Variants in STAU2 observed in about 807,000 individuals in gnomAD.
STAU2 encodes the protein double-stranded RNA-binding protein Staufen homolog 2.
STAU2 carries 20 observed loss-of-function variants against 65.9 expected under a neutral mutation model. That is an observed-to-expected ratio of 0.30 (90% confidence interval 0.21 to 0.44). STAU2 has a LOEUF of 0.44. STAU2 is among the 20% of genes least tolerant of loss of function. The pLI is 1.00. For synonymous variants in STAU2, 232 were observed against 233.9 expected (o/e 0.99, Z 0.07); for missense variants, 558 against 683.9 (o/e 0.82, Z 2.05).
At chr8:73,692,146 CA>C (rs1819361918) in intron 4 of STAU2, among the ~76,000 whole-genome samples, 1 of 151,730 alleles carries the variant, frequency 6.6e-6, no homozygotes, top group Non-Finnish European at 1.5e-5. Flanking sequence ...CACACCCAGA[CA>C]GGGCTTGGAA....
At position 73,535,391 on chromosome 8, in the gene STAU2, G is replaced by A. The variant is rs543872362; in HGVS notation, c.1530+16621C>T. ...TCACCGTGATAGCCAGGATGGTCTC[G>A]ATCTCCTGACCTCGTGATCCGCCCA... On this transcript the variant is annotated intron_variant, in intron 13 of 14. Transcript: ENST00000524300. 2.6e-5 allele frequency among the ~76,000 whole-genome samples: 4 copies of A among 152,128 alleles called. No individual in the cohort carries two copies. In the East Asian group the frequency reaches 5.8e-4, roughly 22 times the overall value.
chr8:73,493,848 C>A (rs1384315295), intron 13 of STAU2, among the ~76,000 whole-genome samples: 4 of 151,702 alleles, frequency 2.6e-5, no homozygotes, highest in Non-Finnish European at 5.9e-5. Context: ...AGGTGTCTAT[C>A]AAAAGGAAAA....
chr8:73,628,283 G>C (rs1813837785), intron 6 of STAU2, among the ~76,000 whole-genome samples: 1 of 151,070 alleles, frequency 6.6e-6, no homozygotes, highest in Non-Finnish European at 1.5e-5. Flanking sequence ...TGTTGCCTAG[G>C]CTGGTCTTGA....
chr8:73,679,865 G>T (rs532115977), intron 5 of STAU2, among the ~76,000 whole-genome samples: 49 of 150,754 alleles, frequency 3.3e-4, no homozygotes, highest in Middle Eastern at 3.5e-3. Context: ...CTCCAACCTG[G>T]GTGACAGACT....
chr8:73,651,137 T>A (rs762231787), intron 6 of STAU2, among the ~76,000 whole-genome samples: 9 of 152,280 alleles, frequency 5.9e-5, no homozygotes, highest in South Asian at 4.1e-4. Context: ...GAGGTCTCCC[T>A]GGGGAGCCTC....
At chr8:73,648,481 A>C (rs1436237006) in intron 6 of STAU2, among the ~76,000 whole-genome samples, 1 of 152,170 alleles carries the variant, frequency 6.6e-6, no homozygotes, top group Non-Finnish European at 1.5e-5. Context: ...TACCTTGGAG[A>C]ACCACCACGT....
At chr8:73,722,438 G>A (rs1243302563) in intron 3 of STAU2, among the ~76,000 whole-genome samples, 1 of 152,140 alleles carries the variant, frequency 6.6e-6, no homozygotes, top group East Asian at 1.9e-4. Flanking sequence ...TTCTTCCAGA[G>A]GGGAAATGTT....
intron 13 of STAU2, among the ~76,000 whole-genome samples, chr8:73,517,989 GAA>G (rs1416884085): frequency 6.6e-6 from 1 of 152,014 alleles, no homozygotes; most frequent in East Asian, 1.9e-4. Context: ...TTATACATCT[GAA>G]ATGAAAAAAG....
At chr8:73,490,377 TG>T (rs1821101592) in intron 13 of STAU2, among the ~76,000 whole-genome samples, 1 of 152,012 alleles carries the variant, frequency 6.6e-6, no homozygotes, top group Non-Finnish European at 1.5e-5. Context: ...GGCTGTATAA[TG>T]GGTTGATCTG....
At chr8:73,504,966 T>C (rs989357684) in intron 13 of STAU2, among the ~76,000 whole-genome samples, 1 of 152,166 alleles carries the variant, frequency 6.6e-6, no homozygotes, top group Non-Finnish European at 1.5e-5. Context: ...CCCTTGACTT[T>C]GTAGTATCTC....
intron 12 of STAU2, among the ~76,000 whole-genome samples, chr8:73,557,250 G>T (rs559879458): frequency 1.3e-5 from 2 of 152,198 alleles, no homozygotes; most frequent in African/African-American, 4.8e-5. Context: ...AAGCCTAAGT[G>T]GACTTTTCTT....
chr8:73,454,595 C>A (rs1818964830), intron 13 of STAU2, among the ~76,000 whole-genome samples: 1 of 152,150 alleles, frequency 6.6e-6, no homozygotes, highest in South Asian at 2.1e-4. Context: ...CACTCTGTCC[C>A]AACAGGACAT....
intron 13 of STAU2, among the ~76,000 whole-genome samples, chr8:73,453,668 CAGA>C (rs1818917157): frequency 6.6e-6 from 1 of 151,610 alleles, no homozygotes; most frequent in Non-Finnish European, 1.5e-5. Context: ...TTTTAGAGCA[CAGA>C]AGGAGAAAAA....
Position 73,654,683 on chromosome 8 carries a change from C to CTTTTTT in STAU2, c.410+18418_410+18423dup, listed in dbSNP as rs764223379. Among the ~76,000 whole-genome samples, 10 of 62,950 alleles carry CTTTTTT rather than the reference C, an allele frequency of 1.6e-4. 1 individual carries two copies. In the South Asian group the frequency reaches 2.6e-3, roughly 17 times the overall value. 41.3% of individuals were successfully genotyped at this position (62,950 alleles called of 152,430 possible). On this transcript the variant is annotated intron_variant, in intron 6 of 14. Transcript: ENST00000524300. ...AAAAGAACTCTTTTAATTATCAAAC[C>CTTTTTT]TTTTTTTTTTTTTTTTTTTTTGAGA...
At chr8:73,609,750 C>T (rs913375757) in intron 9 of STAU2, among the ~76,000 whole-genome samples, 1 of 151,930 alleles carries the variant, frequency 6.6e-6, no homozygotes, top group Non-Finnish European at 1.5e-5. Flanking sequence ...GATTGAAATC[C>T]CAATGAAAAG....
At position 73,658,371 on chromosome 8, in the gene STAU2, T is replaced by TA. The variant is rs375918293; in HGVS notation, c.410+14735dup. Among the ~76,000 whole-genome samples the TA allele has an allele frequency of 6.7e-5, 10 of 149,426 alleles. No homozygotes were observed. The East Asian group carries it at 1.2e-3, about 18-fold the overall frequency. On this transcript the variant is annotated intron_variant, in intron 6 of 14. Transcript: ENST00000524300. The stretch of plus-strand genomic sequence containing the variant: ...CAACAGAGCAACACTCCATCTCAAT[T>TA]AAAAAAAAAAATTATCTTGGGAAGT...
intron 13 of STAU2, among the ~76,000 whole-genome samples, chr8:73,433,120 T>C (rs1441021783): frequency 6.6e-6 from 1 of 152,208 alleles, no homozygotes; most frequent in Non-Finnish European, 1.5e-5. Flanking sequence ...AAATGTTGAG[T>C]GCAGAGTCCT....
intron 12 of STAU2, among the ~76,000 whole-genome samples, chr8:73,562,329 T>A (rs1005820868): frequency 1.3e-5 from 2 of 151,866 alleles, no homozygotes; most frequent in Non-Finnish European, 2.9e-5. Context: ...CCATAAAAAA[T>A]TAAAACTTTA....
chr8:73,529,192 G>C (rs967540950), intron 13 of STAU2, among the ~76,000 whole-genome samples: 1 of 152,130 alleles, frequency 6.6e-6, no homozygotes, highest in Non-Finnish European at 1.5e-5. Context: ...CAAATTAAAA[G>C]CTCAGTCAAT....
Sources: gnomAD v4.1 joint callset for allele counts (sites outside exome capture counted in the v4.1 genomes callset) on GRCh38, gnomAD v4.1.1 for gene constraint, MANE v1.5 for transcripts, NCBI Gene and HGNC (gene_info 2026-07-23, HGNC 2026-07-21) for gene names.